Variants in LYPD6B observed in about 807,000 individuals in gnomAD.
The protein encoded by LYPD6B is LY6/PLAUR domain containing 6B, also known as ly6/PLAUR domain-containing protein 6B.
A neutral mutation model predicts 22.8 loss-of-function variants in LYPD6B; 17 were observed. That is an observed-to-expected ratio of 0.75 (90% CI 0.51 to 1.12). The LOEUF is 1.12. LYPD6B is among the 50% of genes most tolerant of loss of function. The pLI, the probability that LYPD6B is intolerant of heterozygous loss-of-function variation, is 0.00. For missense variants in LYPD6B, 221 were observed against 258.3 expected, an observed-to-expected ratio of 0.86 and a Z score of 0.99; for synonymous variants, 106 against 91.6, an observed-to-expected ratio of 1.16 and a Z score of -0.90.
At chr2:149,091,477 C>A (rs1685648189) in intron 1 of LYPD6B, among the ~76,000 whole-genome samples, 1 of 151,960 alleles carries the variant, frequency 6.6e-6, no homozygotes, top group Non-Finnish European at 1.5e-5. Flanking sequence ...TTATTTTACT[C>A]TCTTAGTGTC....
chr2:149,213,207 T>A, intron 6 of LYPD6B, 85 bp downstream of exon 6: 1 of 1,519,812 alleles, frequency 6.6e-7, no homozygotes, highest in Middle Eastern at 1.7e-4. Context: ...GGAAGGATAG[T>A]AATATGTGGA....
At chr2:149,169,951 C>T (rs1011020685) in intron 3 of LYPD6B, among the ~76,000 whole-genome samples, 6 of 152,182 alleles carry the variant, frequency 3.9e-5, no homozygotes, top group African/African-American at 1.4e-4. Context: ...TAAAAATCTC[C>T]AGGCAATGGG....
intron 3 of LYPD6B, among the ~76,000 whole-genome samples, chr2:149,173,010 A>ATG (rs1690955789): frequency 6.6e-6 from 1 of 151,640 alleles, no homozygotes; most frequent in East Asian, 1.9e-4. Context: ...GCTTATATAT[A>ATG]TGTGTGTGTA....
In LYPD6B at chr2:149,115,954, C is replaced by T. The variant is rs549286732; in HGVS notation, c.-66-14929C>T. On this transcript the variant is annotated intron_variant, in intron 1 of 6. Coordinates refer to ENST00000409642, the MANE Select transcript of LYPD6B (RefSeq NM_177964.5). Reference sequence around the variant, plus strand: ...TCAGCTTTTGTACATGCTTTATATGCGACCTGCCTGTAGGCATCTTGGTTA... The same window carrying T: ...TCAGCTTTTGTACATGCTTTATATGTGACCTGCCTGTAGGCATCTTGGTTA... 3.9e-5 allele frequency among the ~76,000 whole-genome samples: 6 copies of T among 152,218 alleles called. No homozygotes were observed. The South Asian group carries it at 1.2e-3, about 32-fold the overall frequency.
intron 5 of LYPD6B, among the ~76,000 whole-genome samples, chr2:149,208,950 C>A (rs1693672214): frequency 1.3e-5 from 2 of 152,084 alleles, no homozygotes; most frequent in South Asian, 4.1e-4. Context: ...ACCTGAGTGA[C>A]CATAGCAAGC....
At chr2:149,051,938 A>T (rs565751971) in intron 1 of LYPD6B, among the ~76,000 whole-genome samples, 1 of 152,120 alleles carries the variant, frequency 6.6e-6, no homozygotes, top group East Asian at 1.9e-4. Context: ...TTTGGGCTAT[A>T]TTATTTTTAA....
rs141760633 is a variant in LYPD6B, at chr2:149,047,435, C to T, written c.-67+8634C>T. Among the ~76,000 whole-genome samples the T allele has an allele frequency of 2.2e-3, 328 of 152,076 alleles. 3 individuals are homozygous for T. Among genetic ancestry groups the T allele is most frequent in the African/African-American group, 7.5e-3 (313 of 41,516 alleles). ...GTTGCTTCATTCTCTTCTTGTATGC[C>T]TCTGACAAGAAGTCTTCTGTAATTC... is the stretch of plus-strand genomic sequence containing the variant. On this transcript the variant is annotated intron_variant, in intron 1 of 6. Coordinates refer to ENST00000409642, the MANE Select transcript of LYPD6B (RefSeq NM_177964.5).
intron 4 of LYPD6B, among the ~76,000 whole-genome samples, chr2:149,205,621 A>G (rs2106146060): frequency 6.6e-6 from 1 of 152,322 alleles, no homozygotes; most frequent in East Asian, 1.9e-4. Context: ...TGAAGTTTTA[A>G]AAGCATTCTT....
chr2:149,055,331 T>C (rs1328086259), intron 1 of LYPD6B, among the ~76,000 whole-genome samples: 1 of 152,254 alleles, frequency 6.6e-6, no homozygotes, highest in East Asian at 1.9e-4. Context: ...AGTATAAGTC[T>C]TCCAGCTTTT....
intron 2 of LYPD6B, among the ~76,000 whole-genome samples, chr2:149,142,791 A>G (rs762253407): frequency 8.5e-5 from 13 of 152,298 alleles, no homozygotes; most frequent in Non-Finnish European, 1.3e-4. Context: ...AGTGCATGCC[A>G]CTACGCCCGG....
chr2:149,187,136 C>T (rs2106028740), intron 3 of LYPD6B, among the ~76,000 whole-genome samples: 1 of 152,294 alleles, frequency 6.6e-6, no homozygotes, highest in Admixed American at 6.5e-5. Context: ...GAAACTAAAA[C>T]ATTTGTGTGA....
At chr2:149,194,055 G>T (rs1436113934) in intron 3 of LYPD6B, among the ~76,000 whole-genome samples, 1 of 152,124 alleles carries the variant, frequency 6.6e-6, no homozygotes, top group Non-Finnish European at 1.5e-5. Context: ...AGCAGAAAAA[G>T]CTAAATTTTG....
chr2:149,135,249 T>TAA (rs36032140), intron 2 of LYPD6B, among the ~76,000 whole-genome samples: 3,684 of 136,770 alleles, frequency 0.027, 118 homozygotes, highest in African/African-American at 0.079. Context: ...TGTCTCAAAT[T>TAA]AAAAAAAAAA....
At chr2:149,186,795 T>C (rs1463878947) in intron 3 of LYPD6B, among the ~76,000 whole-genome samples, 1 of 152,186 alleles carries the variant, frequency 6.6e-6, no homozygotes, top group African/African-American at 2.4e-5. Context: ...TTTGAGAGGA[T>C]TGGCTCCAAT....
intron 2 of LYPD6B, chr2:149,160,445 T>C (rs1267611924): frequency 2.1e-6 from 1 of 486,368 alleles, no homozygotes; most frequent in Non-Finnish European, 4.1e-6. Context: ...GCCAGCTCTT[T>C]GGTAAGCAGC....
chr2:149,172,403 C>T (rs771988953), intron 3 of LYPD6B, among the ~76,000 whole-genome samples: 1 of 152,098 alleles, frequency 6.6e-6, no homozygotes, highest in South Asian at 2.1e-4. Context: ...TCTCCTCCTT[C>T]AGACCAGTCA....
At chr2:149,165,408 ATTAC>A (rs1690357141) in intron 3 of LYPD6B, among the ~76,000 whole-genome samples, 1 of 152,184 alleles carries the variant, frequency 6.6e-6, no homozygotes, top group Non-Finnish European at 1.5e-5. Context: ...GCAATCTGAA[ATTAC>A]TTTAAAATTA....
At chr2:149,155,646 A>G (rs2105853231) in intron 2 of LYPD6B, among the ~76,000 whole-genome samples, 1 of 152,368 alleles carries the variant, frequency 6.6e-6, no homozygotes, top group African/African-American at 2.4e-5. Flanking sequence ...GGACAGGCTA[A>G]GTGATCCCTC....
chr2:149,196,875 G>A (rs1467851590), intron 3 of LYPD6B, among the ~76,000 whole-genome samples: 1 of 152,188 alleles, frequency 6.6e-6, no homozygotes, highest in Non-Finnish European at 1.5e-5. Flanking sequence ...TACACACCGA[G>A]TGACCCTGAA....
Sources: gnomAD v4.1 joint callset for allele counts (sites outside exome capture counted in the v4.1 genomes callset) on GRCh38, gnomAD v4.1.1 for gene constraint, MANE v1.5 for transcripts, NCBI Gene and HGNC (gene_info 2026-07-23, HGNC 2026-07-21) for gene names.